Variants in ANKRD6 observed in about 807,000 individuals in gnomAD.
ANKRD6 encodes the protein ankyrin repeat domain-containing protein 6.
Under a neutral mutation model 82.3 loss-of-function variants are expected in ANKRD6, and 56 were observed. The observed-to-expected ratio is 0.68, with a 90% CI of 0.55 to 0.85. The LOEUF (loss-of-function observed/expected upper bound fraction) is 0.85. ANKRD6 is among the 40% of genes least tolerant of loss of function. The pLI is 0.00. For synonymous variants in ANKRD6, 347 were observed against 352.1 expected, an observed-to-expected ratio of 0.99 and a Z score of 0.16; for missense variants, 852 against 907.6, an observed-to-expected ratio of 0.94 and a Z score of 0.79.
chr6:89,483,137 G>A (rs1033799573), intron 1 of ANKRD6, among the ~76,000 whole-genome samples: 2 of 152,032 alleles, frequency 1.3e-5, no homozygotes, highest in Admixed American at 6.6e-5. Context: ...CTGTCCAGTG[G>A]GTCTTATCTA....
At chr6:89,463,987 A>G (rs1157280527) in intron 1 of ANKRD6, among the ~76,000 whole-genome samples, 2 of 152,228 alleles carry the variant, frequency 1.3e-5, no homozygotes, top group African/African-American at 4.8e-5. Context: ...AAAATATGAT[A>G]ATGTATATCT....
chr6:89,608,372 A>ACACACACACACACACAC (rs1799361199), intron 5 of ANKRD6, among the ~76,000 whole-genome samples: 2 of 101,690 alleles, frequency 2.0e-5, no homozygotes, highest in South Asian at 4.0e-4. Flanking sequence ...CACACACTAT[A>ACACACACACACACACAC]TATATATATA....
intron 2 of ANKRD6, among the ~76,000 whole-genome samples, chr6:89,588,127 G>A (rs925038180): frequency 3.3e-5 from 5 of 151,824 alleles, no homozygotes; most frequent in African/African-American, 1.2e-4. Context: ...AAAGTTGGTG[G>A]AGTCTTCCAC....
chr6:89,453,144 A>T (rs549705758), intron 1 of ANKRD6, among the ~76,000 whole-genome samples: 95 of 152,300 alleles, frequency 6.2e-4, no homozygotes, highest in African/African-American at 2.1e-3. Flanking sequence ...TCCAAAAGTA[A>T]CTACAGGCGG....
intron 2 of ANKRD6, among the ~76,000 whole-genome samples, chr6:89,592,640 G>C (rs1795121571): frequency 6.6e-6 from 1 of 152,124 alleles, no homozygotes; most frequent in Non-Finnish European, 1.5e-5. Flanking sequence ...TAGTCCATTT[G>C]GCCTCTCTAA....
intron 1 of ANKRD6, among the ~76,000 whole-genome samples, chr6:89,471,310 A>G (rs1775424471): frequency 6.8e-6 from 1 of 146,792 alleles, no homozygotes; most frequent in Non-Finnish European, 1.5e-5. Flanking sequence ...GCACCACTGC[A>G]CTCCAGCCTG....
chr6:89,514,170 G>A (rs1442511953), intron 1 of ANKRD6, among the ~76,000 whole-genome samples: 2 of 152,126 alleles, frequency 1.3e-5, no homozygotes, highest in Admixed American at 6.5e-5. Flanking sequence ...ATGAAGTCGG[G>A]AGTTAAAAAC....
intron 1 of ANKRD6, among the ~76,000 whole-genome samples, chr6:89,520,654 C>T (rs968534536): frequency 5.3e-5 from 8 of 152,204 alleles, no homozygotes; most frequent in Admixed American, 2.0e-4. Context: ...GGAAGAAGTA[C>T]ACAAACCCAG....
chr6:89,589,930 C>T (rs1422364783), intron 2 of ANKRD6, among the ~76,000 whole-genome samples: 1 of 152,132 alleles, frequency 6.6e-6, no homozygotes, highest in African/African-American at 2.4e-5. Context: ...TGCCTCTTCT[C>T]CTCACCCCTG....
intron 3 of ANKRD6, among the ~76,000 whole-genome samples, chr6:89,600,376 G>A (rs192905067): frequency 4.9e-4 from 74 of 152,298 alleles, no homozygotes; most frequent in Admixed American, 3.8e-3. Context: ...AAGGCCCTTC[G>A]TGAAATAATT....
intron 4 of ANKRD6, 76 bp downstream of exon 4, chr6:89,603,203 C>A: frequency 7.3e-7 from 1 of 1,375,590 alleles, no homozygotes; most frequent in Non-Finnish European, 1.0e-6. Context: ...GGAGCCCGCT[C>A]TGGAAACTTT....
intron 1 of ANKRD6, among the ~76,000 whole-genome samples, chr6:89,564,111 C>G (rs968178098): frequency 6.6e-6 from 1 of 152,126 alleles, no homozygotes; most frequent in Non-Finnish European, 1.5e-5. Flanking sequence ...TGTCCAAGCA[C>G]ATAGGGATGG....
chr6:89,607,758 C>T (rs752010790), intron 5 of ANKRD6, among the ~76,000 whole-genome samples: 4 of 151,302 alleles, frequency 2.6e-5, no homozygotes, highest in Admixed American at 1.3e-4. Flanking sequence ...TGAGTTCAAG[C>T]GATTCTCCTG....
intron 3 of ANKRD6, chr6:89,598,005 A>G (rs975415019): frequency 1.5e-6 from 1 of 669,010 alleles, no homozygotes; most frequent in African/African-American, 2.0e-5. Context: ...ATTTGAAAAA[A>G]TCTCAGAAGT....
intron 2 of ANKRD6, among the ~76,000 whole-genome samples, chr6:89,591,669 T>G (rs1482177156): frequency 6.6e-6 from 1 of 152,232 alleles, no homozygotes. Flanking sequence ...TGTTGCTATT[T>G]ACTACAGAAT....
chr6:89,435,976 G>T (rs1249510657), intron 1 of ANKRD6, among the ~76,000 whole-genome samples: 2 of 152,166 alleles, frequency 1.3e-5, no homozygotes, highest in Non-Finnish European at 2.9e-5. Context: ...TTAAGGCAAA[G>T]ATTCTGAAAC....
intron 1 of ANKRD6, among the ~76,000 whole-genome samples, chr6:89,469,240 C>T (rs188864082): frequency 9.4e-4 from 143 of 152,118 alleles, no homozygotes; most frequent in Non-Finnish European, 1.5e-3. Flanking sequence ...ATATATAGAC[C>T]CCTACCGTGA....
At chr6:89,552,611 CTTG>C (rs1461689756) in intron 1 of ANKRD6, among the ~76,000 whole-genome samples, 1 of 152,184 alleles carries the variant, frequency 6.6e-6, no homozygotes, top group Non-Finnish European at 1.5e-5. Flanking sequence ...AATTTAGCCT[CTTG>C]TTGACTTTAC....
chr6:89,629,285 G>C (rs753033153), intron 15 of ANKRD6, 47 bp downstream of exon 15: 1 of 1,610,840 alleles, frequency 6.2e-7, no homozygotes, highest in Non-Finnish European at 8.5e-7. Flanking sequence ...AACACGACCA[G>C]CAGCTCTTGT....
Sources: gnomAD v4.1 joint callset for allele counts (sites outside exome capture counted in the v4.1 genomes callset) on GRCh38, gnomAD v4.1.1 for gene constraint, MANE v1.5 for transcripts, NCBI Gene and HGNC (gene_info 2026-07-23, HGNC 2026-07-21) for gene names.